BMAL2: variants seen among roughly 807,000 people sequenced by gnomAD.
BMAL2 encodes basic helix-loop-helix ARNT-like protein 2.
At chr12:27,390,069 A>G in the BMAL2 span, 56 of 1,607,268 alleles carry the variant, frequency 3.5e-5, no homozygotes, top group Middle Eastern at 1.7e-4. Flanking sequence ...TTTTCCACCT[A>G]TTCTCTCGCC....
the BMAL2 span, among the ~76,000 whole-genome samples, chr12:27,406,521 ATACTT>A: frequency 6.6e-6 from 1 of 152,314 alleles, no homozygotes; most frequent in South Asian, 2.1e-4. Context: ...GAGGAATAAA[ATACTT>A]TACAGACAAG....
the BMAL2 span, among the ~76,000 whole-genome samples, chr12:27,398,921 T>C: frequency 6.6e-6 from 1 of 152,210 alleles, no homozygotes; most frequent in Non-Finnish European, 1.5e-5. Context: ...TTATTCGTAC[T>C]TACTCAATTT....
chr12:27,375,110 G>A, the BMAL2 span, among the ~76,000 whole-genome samples: 7 of 152,006 alleles, frequency 4.6e-5, no homozygotes, highest in Non-Finnish European at 1.0e-4. Flanking sequence ...TTCTAAAGTA[G>A]GCCAGCCTTT....
the BMAL2 span, among the ~76,000 whole-genome samples, chr12:27,388,066 A>G: frequency 6.6e-6 from 1 of 151,932 alleles, no homozygotes; most frequent in Non-Finnish European, 1.5e-5. Flanking sequence ...CTAACTGGAG[A>G]TGGAAAACAC....
chr12:27,416,359 G>A, the BMAL2 span, among the ~76,000 whole-genome samples: 4 of 151,854 alleles, frequency 2.6e-5, no homozygotes, highest in African/African-American at 9.7e-5. Context: ...ATTGTAATAG[G>A]TTCCAATTTA....
chr12:27,347,042 G>T, the BMAL2 span, among the ~76,000 whole-genome samples: 1 of 152,092 alleles, frequency 6.6e-6, no homozygotes, highest in Non-Finnish European at 1.5e-5. Flanking sequence ...GCAGCCTGAG[G>T]CCCTCACCAG....
chr12:27,409,982 A>G, the BMAL2 span, among the ~76,000 whole-genome samples: 1 of 152,156 alleles, frequency 6.6e-6, no homozygotes, highest in Non-Finnish European at 1.5e-5. Flanking sequence ...CAGCCAAAAG[A>G]CACATGAAAA....
the BMAL2 span, chr12:27,376,293 A>G: frequency 2.7e-6 from 4 of 1,479,074 alleles, no homozygotes; most frequent in Non-Finnish European, 3.8e-6. Flanking sequence ...TCTATCAAGA[A>G]CTACAGAAAA....
chr12:27,407,434 G>C, the BMAL2 span, among the ~76,000 whole-genome samples: 58 of 152,278 alleles, frequency 3.8e-4, no homozygotes, highest in Admixed American at 5.2e-4. Flanking sequence ...TCAGGATTAA[G>C]AAGCTCACTC....
At chr12:27,333,567 T>C in the BMAL2 span, among the ~76,000 whole-genome samples, 2 of 152,262 alleles carry the variant, frequency 1.3e-5, no homozygotes, top group Non-Finnish European at 2.9e-5. Flanking sequence ...CTAGCCCGGT[T>C]CCTGTGAACC....
At chr12:27,360,625 C>T in the BMAL2 span, among the ~76,000 whole-genome samples, 1 of 151,846 alleles carries the variant, frequency 6.6e-6, no homozygotes, top group South Asian at 2.1e-4. Flanking sequence ...TACAATGGCT[C>T]ACCAACAATG....
chr12:27,400,879 T>C, the BMAL2 span: 1 of 1,062,598 alleles, frequency 9.4e-7, no homozygotes. Flanking sequence ...TTTTTCTGTT[T>C]CAGAACAGAA....
the BMAL2 span, among the ~76,000 whole-genome samples, chr12:27,399,212 C>T: frequency 6.6e-6 from 1 of 152,228 alleles, no homozygotes; most frequent in Admixed American, 6.5e-5. Flanking sequence ...TTTCCCACTG[C>T]AGCATATGCT....
At chr12:27,363,336 C>G in the BMAL2 span, among the ~76,000 whole-genome samples, 2 of 152,080 alleles carry the variant, frequency 1.3e-5, no homozygotes, top group Non-Finnish European at 2.9e-5. Context: ...TTCCATATAC[C>G]TAGGAGGGGA....
the BMAL2 span, chr12:27,422,458 C>T: frequency 6.6e-6 from 1 of 152,302 alleles, no homozygotes; most frequent in Non-Finnish European, 1.5e-5. Flanking sequence ...AGACAATAAC[C>T]AAAAGCAAAT....
At chr12:27,410,205 A>G in the BMAL2 span, among the ~76,000 whole-genome samples, 3 of 152,104 alleles carry the variant, frequency 2.0e-5, no homozygotes, top group South Asian at 2.1e-4. Flanking sequence ...CAGGGATCTA[A>G]AACTAGAAAT....
At chr12:27,333,263 A>C in the BMAL2 span, 5 of 718,160 alleles carry the variant, frequency 7.0e-6, no homozygotes, top group Non-Finnish European at 9.3e-6. Context: ...GCGGTGGGAC[A>C]AGGCCGCCCC....
At chr12:27,378,029 C>G in the BMAL2 span, among the ~76,000 whole-genome samples, 1 of 152,182 alleles carries the variant, frequency 6.6e-6, no homozygotes, top group Non-Finnish European at 1.5e-5. Flanking sequence ...TCAGGGAAGT[C>G]TCCCACTTAC....
At chr12:27,422,788 G>A in the BMAL2 span, 1 of 152,272 alleles carries the variant, frequency 6.6e-6, no homozygotes, top group African/African-American at 2.4e-5. Flanking sequence ...GTTAGACTTG[G>A]CTTCCAAAGA....
Sources: gnomAD v4.1 joint callset for allele counts (sites outside exome capture counted in the v4.1 genomes callset) on GRCh38, gnomAD v4.1.1 for gene constraint, MANE v1.5 for transcripts, NCBI Gene and HGNC (gene_info 2026-07-23, HGNC 2026-07-21) for gene names.